The following SNX29 variants were observed in gnomAD, a reference collection of about 807,000 sequenced individuals.
The protein encoded by SNX29 is sorting nexin 29.
In SNX29, 78 loss-of-function variants were observed where a neutral mutation model predicts 102.1. That is an observed-to-expected ratio of 0.76 (90% CI 0.64 to 0.92). SNX29 has a LOEUF of 0.92. Among genes scored for constraint, SNX29 ranks in the 40% least tolerant of loss-of-function variants. The pLI is 0.00. For missense variants in SNX29, 1,280 were observed against 1,061.7 expected, an observed-to-expected ratio of 1.21 and a Z score of -2.86; for synonymous variants, 580 against 414.5, an observed-to-expected ratio of 1.40 and a Z score of -4.85.
At chr16:12,538,631 T>C (rs913007610) in intron 20 of SNX29, among the ~76,000 whole-genome samples, 2 of 152,056 alleles carry the variant, frequency 1.3e-5, no homozygotes, top group African/African-American at 4.8e-5. Flanking sequence ...CTAGGAAGAA[T>C]GGAAAAACTG....
At chr16:12,521,397 G>A (rs759670706) in intron 19 of SNX29, among the ~76,000 whole-genome samples, 68 of 152,140 alleles carry the variant, frequency 4.5e-4, no homozygotes, top group Non-Finnish European at 7.6e-4. Context: ...AGGGGCCTCT[G>A]GGACCTGGGT....
At chr16:12,539,857 G>A (rs1015400161) in intron 20 of SNX29, among the ~76,000 whole-genome samples, 1 of 152,212 alleles carries the variant, frequency 6.6e-6, no homozygotes, top group South Asian at 2.1e-4. Context: ...AAGTGTCCAA[G>A]TATTTTGCCT....
chr16:12,292,624 G>A (rs1378961996), intron 15 of SNX29, among the ~76,000 whole-genome samples: 1 of 152,248 alleles, frequency 6.6e-6, no homozygotes, highest in Admixed American at 6.5e-5. Flanking sequence ...AAGACTTTCA[G>A]CTTGAATGGC....
intron 19 of SNX29, among the ~76,000 whole-genome samples, chr16:12,501,828 G>A (rs1015448820): frequency 1.5e-5 from 2 of 137,344 alleles, no homozygotes; most frequent in African/African-American, 5.3e-5. Flanking sequence ...GGTTTTATTT[G>A]TTTACTTATT....
At chr16:12,442,180 C>G (rs80025040) in intron 18 of SNX29, among the ~76,000 whole-genome samples, 3,845 of 152,244 alleles carry the variant, frequency 0.025, 170 homozygotes, top group African/African-American at 0.088. Flanking sequence ...AAAAACTGTT[C>G]TTTCCTCACT....
intron 15 of SNX29, among the ~76,000 whole-genome samples, chr16:12,316,722 C>T (rs540469248): frequency 2.0e-5 from 3 of 152,264 alleles, no homozygotes; most frequent in Admixed American, 2.0e-4. Context: ...ACTTCCTTCT[C>T]TCCCATCCCT....
At chr16:12,037,958 C>T (rs1326093522) in intron 4 of SNX29, among the ~76,000 whole-genome samples, 3 of 143,882 alleles carry the variant, frequency 2.1e-5, no homozygotes, top group African/African-American at 7.6e-5. Context: ...TTGTCCCCAC[C>T]CCGCCCCTCA....
intron 19 of SNX29, among the ~76,000 whole-genome samples, chr16:12,501,686 T>A (rs1289326741): frequency 8.3e-6 from 1 of 120,152 alleles, no homozygotes; most frequent in African/African-American, 3.3e-5. Context: ...CACACCACTG[T>A]ACTACTCCAG....
chr16:12,562,634 C>G (rs566379137), intron 20 of SNX29, among the ~76,000 whole-genome samples: 24 of 152,326 alleles, frequency 1.6e-4, no homozygotes, highest in African/African-American at 4.6e-4. Context: ...CTATCAGGGT[C>G]TTCCCTGAGG....
intron 1 of SNX29, among the ~76,000 whole-genome samples, chr16:11,987,818 C>T (rs569837411): frequency 4.6e-5 from 7 of 152,230 alleles, no homozygotes; most frequent in Middle Eastern, 3.2e-3. Context: ...TATCTTTTCT[C>T]ATTTCCCCTG....
At chr16:12,499,122 T>G (rs1464664824) in intron 19 of SNX29, among the ~76,000 whole-genome samples, 3 of 152,144 alleles carry the variant, frequency 2.0e-5, no homozygotes, top group African/African-American at 7.2e-5. Context: ...CAGTGGGAAA[T>G]CGCAGTAGAA....
intron 8 of SNX29, among the ~76,000 whole-genome samples, chr16:12,056,835 G>GT (rs1323800829): frequency 1.3e-5 from 2 of 151,836 alleles, no homozygotes; most frequent in African/African-American, 2.4e-5. Context: ...TTCTTTGTTT[G>GT]TTTTTTTGAG....
intron 18 of SNX29, among the ~76,000 whole-genome samples, chr16:12,446,461 T>G (rs1470386489): frequency 6.6e-6 from 1 of 152,222 alleles, no homozygotes; most frequent in Non-Finnish European, 1.5e-5. Context: ...GGATATTTAA[T>G]GTAGTAACTG....
At chr16:12,526,879 C>A (rs2269445) in intron 20 of SNX29, 99,165 of 394,812 alleles carry the variant, frequency 0.25, 14,227 homozygotes, top group East Asian at 0.56. Flanking sequence ...GCGAGCCTGT[C>A]GGTGTGACAT....
At chr16:12,563,340 C>A (rs544298003) in intron 20 of SNX29, among the ~76,000 whole-genome samples, 2 of 152,164 alleles carry the variant, frequency 1.3e-5, no homozygotes, top group Non-Finnish European at 2.9e-5. Flanking sequence ...CGAGGAGTGG[C>A]CATTATCCTG....
In SNX29 at chr16:12,568,543, C is replaced by T; in HGVS notation, c.2356C>T (p.Pro786Ser). 6.2e-7 allele frequency: 1 copy of T among 1,609,622 alleles called. No individual in the cohort carries two copies. Among genetic ancestry groups the T allele is most frequent in the Non-Finnish European group, 8.5e-7 (1 of 1,179,838 alleles). ...GCCCGGAGAGCCTGTGAACAGCCGG[C>T]CCAAAGCAGCTTCCCGCTTCCCCAA... ...TPPGEPVNSR[P>S]KAASRFPKLS... is the part of the protein sequence containing the mutation. The change falls in exon 21 of 21, where the codon CCC becomes TCC. Residue 786 changes from proline (P) to serine (S), a missense_variant. Coordinates refer to ENST00000566228, the MANE Select transcript of SNX29 (RefSeq NM_032167.5).
intron 18 of SNX29, among the ~76,000 whole-genome samples, chr16:12,421,161 A>G (rs111235063): frequency 5.0e-4 from 76 of 152,322 alleles, no homozygotes; most frequent in African/African-American, 1.7e-3. Flanking sequence ...CTGATCCACA[A>G]TCTTTCGAAA....
At chr16:12,258,203 C>A (rs2078630801) in intron 14 of SNX29, among the ~76,000 whole-genome samples, 1 of 152,190 alleles carries the variant, frequency 6.6e-6, no homozygotes, top group Admixed American at 6.5e-5. Context: ...TATGAAGTTT[C>A]CCCTGCAGCC....
At chr16:12,519,805 C>G (rs192509226) in intron 19 of SNX29, among the ~76,000 whole-genome samples, 4 of 151,910 alleles carry the variant, frequency 2.6e-5, no homozygotes, top group Non-Finnish European at 5.9e-5. Flanking sequence ...GGCAGGAGTT[C>G]GAGACCAGCC....
Sources: allele counts gnomAD v4.1 joint callset (sites outside exome capture counted in the v4.1 genomes callset), GRCh38; gene constraint gnomAD v4.1.1; transcripts MANE v1.5; gene names NCBI Gene and HGNC (gene_info 2026-07-23, HGNC 2026-07-21).